ZBTB20: variants seen among roughly 807,000 people sequenced by gnomAD.
ZBTB20 encodes the protein zinc finger and BTB domain-containing protein 20.
A neutral mutation model predicts 56.9 loss-of-function variants in ZBTB20; 9 were observed. That is an observed-to-expected ratio of 0.16 (90% CI 0.10 to 0.28). The LOEUF is 0.28. ZBTB20 is among the 10% of genes least tolerant of loss of function. ZBTB20 has a pLI of 1.00. For missense variants in ZBTB20, 655 were observed against 1,003.0 expected, an observed-to-expected ratio of 0.65 and a Z score of 4.69; for synonymous variants, 417 against 420.7, an observed-to-expected ratio of 0.99 and a Z score of 0.11.
rs558998870 is a variant in ZBTB20 at position 114,407,131 on chromosome 3, C to T, written c.-254-18026G>A. Among the ~76,000 whole-genome samples, 47 of 152,292 alleles carry T rather than the reference C, an allele frequency of 3.1e-4. 1 individual carries two copies. In the South Asian group the frequency reaches 6.0e-3, roughly 19 times the overall value. ...AACTGGCGTCACTGTCCCAGTTTTT[C>T]AGACCCATCGCCTCTAAATCCTCTC... On this transcript the variant is annotated intron_variant, in intron 7 of 11. Transcript: ENST00000675478.
intron 1 of ZBTB20, among the ~76,000 whole-genome samples, chr3:115,073,305 C>T (rs1269812557): frequency 6.6e-6 from 1 of 152,182 alleles, no homozygotes; most frequent in African/African-American, 2.4e-5. Context: ...TAATCTACTT[C>T]AAACTACTGT....
At chr3:114,547,995 T>C (rs545213714) in intron 6 of ZBTB20, among the ~76,000 whole-genome samples, 51 of 152,352 alleles carry the variant, frequency 3.3e-4, no homozygotes, top group Middle Eastern at 6.8e-3. Flanking sequence ...CTTAGTGTAC[T>C]TGGATATCTT....
intron 6 of ZBTB20, among the ~76,000 whole-genome samples, chr3:114,663,934 A>G (rs904352365): frequency 6.6e-6 from 1 of 151,804 alleles, no homozygotes; most frequent in African/African-American, 2.4e-5. Flanking sequence ...CCACACATTA[A>G]TAATGGGAGA....
At chr3:114,354,792 C>T (rs2081061876) in intron 10 of ZBTB20, among the ~76,000 whole-genome samples, 1 of 152,070 alleles carries the variant, frequency 6.6e-6, no homozygotes, top group African/African-American at 2.4e-5. Flanking sequence ...GTTGGCCAGG[C>T]TGGTCTCAAA....
chr3:114,872,717 T>C (rs951810341), intron 4 of ZBTB20, among the ~76,000 whole-genome samples: 1 of 151,994 alleles, frequency 6.6e-6, no homozygotes, highest in African/African-American at 2.4e-5. Context: ...CTAAGAGGAA[T>C]CAGAGGATCA....
chr3:114,684,090 T>A (rs2062167307), intron 6 of ZBTB20, among the ~76,000 whole-genome samples: 1 of 152,186 alleles, frequency 6.6e-6, no homozygotes, highest in African/African-American at 2.4e-5. Flanking sequence ...AATCCTACAC[T>A]GTCCAGCTAA....
At chr3:115,047,309 T>C (rs2081368130) in intron 2 of ZBTB20, among the ~76,000 whole-genome samples, 1 of 152,184 alleles carries the variant, frequency 6.6e-6, no homozygotes, top group African/African-American at 2.4e-5. Flanking sequence ...CTTTGATTAT[T>C]TGACAAAGTT....
chr3:114,433,624 G>A (rs988925589), intron 7 of ZBTB20, among the ~76,000 whole-genome samples: 1 of 152,046 alleles, frequency 6.6e-6, no homozygotes, highest in East Asian at 1.9e-4. Context: ...TATTTCTGAT[G>A]GCACATTCTA....
chr3:114,593,264 T>C (rs749709082), intron 6 of ZBTB20, among the ~76,000 whole-genome samples: 4 of 152,148 alleles, frequency 2.6e-5, no homozygotes, highest in Non-Finnish European at 5.9e-5. Context: ...AGTTGGCAAG[T>C]AGATTTTTCA....
chr3:114,502,466 G>C (rs372406120), intron 6 of ZBTB20, among the ~76,000 whole-genome samples: 2 of 143,190 alleles, frequency 1.4e-5, no homozygotes, highest in East Asian at 1.9e-4. Context: ...GAGTTAAGAT[G>C]AAAATCTCCA....
chr3:114,604,597 T>C (rs1446478417), intron 6 of ZBTB20, among the ~76,000 whole-genome samples: 2 of 152,014 alleles, frequency 1.3e-5, no homozygotes, highest in Admixed American at 6.6e-5. Context: ...AGCATAGCAA[T>C]GATAAAAATG....
chr3:114,748,288 TTCTTTC>T (rs1318139871), intron 5 of ZBTB20, among the ~76,000 whole-genome samples: 1 of 91,244 alleles, frequency 1.1e-5, no homozygotes, highest in Admixed American at 1.2e-4. Flanking sequence ...GCTTCTTTCT[TTCTTTC>T]TTTCTTTCTT....
chr3:115,084,606 A>G lies in ZBTB20; in HGVS notation c.-702-13192T>C, dbSNP rs895199223. Among the ~76,000 whole-genome samples, 57 of 151,998 alleles carry G rather than the reference A, an allele frequency of 3.8e-4. 1 individual carries two copies. The highest frequency in any genetic ancestry group is 1.4e-3 in the African/African-American group (57 of 41,430). ...AATTTATATTAACATCTTCAAGAAT[A>G]CTTTGCATTAAGATAGATCCCTAAT... On this transcript the variant is annotated intron_variant, in intron 1 of 11. Coordinates refer to ENST00000675478, the MANE Select transcript of ZBTB20 (RefSeq NM_001348800.3).
chr3:115,102,165 TC>T (rs980221377), intron 1 of ZBTB20, among the ~76,000 whole-genome samples: 2 of 152,162 alleles, frequency 1.3e-5, no homozygotes, highest in African/African-American at 4.8e-5. Context: ...CTCATCGTAA[TC>T]CACCAATTCA....
chr3:114,402,401 G>A (rs574035881), intron 7 of ZBTB20, among the ~76,000 whole-genome samples: 103 of 152,280 alleles, frequency 6.8e-4, no homozygotes, highest in African/African-American at 2.5e-3. Flanking sequence ...AAAAGGAAAA[G>A]AGAGAAGAAG....
chr3:114,431,575 T>C (rs2090125611), intron 7 of ZBTB20, among the ~76,000 whole-genome samples: 1 of 152,174 alleles, frequency 6.6e-6, no homozygotes, highest in African/African-American at 2.4e-5. Context: ...TGACACTTGA[T>C]AATCAAGAGT....
rs139895177 is a variant in ZBTB20, at chr3:114,536,343, A to G, written c.-294-35952T>C. Among the ~76,000 whole-genome samples the G allele has an allele frequency of 2.6e-3, 402 of 152,290 alleles. 1 individual carries two copies. Among genetic ancestry groups the G allele is most frequent in the African/African-American group, 9.3e-3 (386 of 41,572 alleles). ...GTGCAAAAATCACAAGTATTCCTAT[A>G]CACCAATAACAGAGAGCCAAATCAT... On this transcript the variant is annotated intron_variant, in intron 6 of 11. Transcript: ENST00000675478.
At chr3:114,888,094 TAA>T (rs1386967202) in intron 4 of ZBTB20, among the ~76,000 whole-genome samples, 19 of 138,906 alleles carry the variant, frequency 1.4e-4, no homozygotes, top group Admixed American at 1.5e-4. Flanking sequence ...AATTGGTCAT[TAA>T]AAAAAAAAAA....
intron 5 of ZBTB20, among the ~76,000 whole-genome samples, chr3:114,774,713 T>C (rs902981441): frequency 2.0e-5 from 3 of 152,126 alleles, no homozygotes; most frequent in Admixed American, 2.0e-4. Flanking sequence ...AAAAATACAA[T>C]CTCACAAAAA....
Sources: gnomAD v4.1 joint callset for allele counts (sites outside exome capture counted in the v4.1 genomes callset) on GRCh38, gnomAD v4.1.1 for gene constraint, MANE v1.5 for transcripts, NCBI Gene and HGNC (gene_info 2026-07-23, HGNC 2026-07-21) for gene names.